ERICH6B: variants seen among roughly 807,000 people sequenced by gnomAD.
The protein encoded by ERICH6B is glutamate-rich protein 6B.
ERICH6B carries 69 observed loss-of-function variants against 80.0 expected under a neutral mutation model. The observed-to-expected ratio is 0.86, with a 90% CI of 0.71 to 1.05. The LOEUF is 1.05. ERICH6B is among the 50% of genes least tolerant of loss of function. ERICH6B has a pLI of 0.00. For synonymous variants in ERICH6B, 283 were observed against 291.9 expected (o/e 0.97, Z 0.31); for missense variants, 754 against 796.1 (o/e 0.95, Z 0.64).
chr13:45,554,463 C>A (rs766626970), intron 11 of ERICH6B, among the ~76,000 whole-genome samples: 1 of 152,112 alleles, frequency 6.6e-6, no homozygotes, highest in Non-Finnish European at 1.5e-5. Flanking sequence ...TCATGGGTAG[C>A]GGGTATTTGT....
At chr13:45,573,274 T>C (rs1875252545) in intron 8 of ERICH6B, among the ~76,000 whole-genome samples, 1 of 152,212 alleles carries the variant, frequency 6.6e-6, no homozygotes. Context: ...ACCAAAGCTT[T>C]CCAAAATATG....
chr13:45,611,489 G>T (rs186297014), intron 1 of ERICH6B, among the ~76,000 whole-genome samples: 1 of 152,204 alleles, frequency 6.6e-6, no homozygotes, highest in East Asian at 1.9e-4. Context: ...ATTGCAAGAG[G>T]GAAGCACAGT....
intron 7 of ERICH6B, 71 bp downstream of exon 7, chr13:45,579,862 G>T: frequency 6.8e-7 from 1 of 1,475,204 alleles, no homozygotes; most frequent in Non-Finnish European, 9.3e-7. Flanking sequence ...CCACCTGCTA[G>T]GGGCACCTTC....
intron 9 of ERICH6B, among the ~76,000 whole-genome samples, chr13:45,565,906 C>G (rs1593782965): frequency 6.6e-6 from 1 of 152,138 alleles, no homozygotes; most frequent in Non-Finnish European, 1.5e-5. Context: ...AGTTTGGAGG[C>G]CTCAGAAGAA....
chr13:45,606,037 C>T (rs947738306), intron 2 of ERICH6B, among the ~76,000 whole-genome samples: 1 of 152,192 alleles, frequency 6.6e-6, no homozygotes. Context: ...AGATAAGCGA[C>T]ATATGTCTTC....
intron 5 of ERICH6B, among the ~76,000 whole-genome samples, chr13:45,582,890 G>C (rs947138091): frequency 1.3e-5 from 2 of 152,198 alleles, no homozygotes; most frequent in Non-Finnish European, 2.9e-5. Flanking sequence ...CCAGTATTAT[G>C]TAATTGGCTT....
intron 4 of ERICH6B, among the ~76,000 whole-genome samples, chr13:45,589,832 A>T (rs1876083634): frequency 6.6e-6 from 1 of 152,166 alleles, no homozygotes; most frequent in Non-Finnish European, 1.5e-5. Flanking sequence ...CAGTGGAGTT[A>T]CCTGTCAGAG....
chr13:45,563,732 C>A lies in ERICH6B; in HGVS notation c.1244G>T (p.Arg415Leu), dbSNP rs907953283. 6.4e-7 allele frequency: 1 copy of A among 1,552,260 alleles called. No individual in the cohort carries two copies. The highest frequency in any genetic ancestry group is 1.2e-5 in the South Asian group (1 of 84,044). Residue 415 changes from arginine (R) to leucine (L), a missense_variant, in exon 10 of 15, where the codon CGT (arginine) becomes CTT (leucine). Coordinates refer to ENST00000298738, the MANE Select transcript of ERICH6B (RefSeq NM_182542.3). Reference sequence around the variant, plus strand: ...AATGGTGGAGTGGTGCCTACCTTCACGTCTCCTCTTAATCCGTAAGATTGT... The same window carrying A: ...AATGGTGGAGTGGTGCCTACCTTCAAGTCTCCTCTTAATCCGTAAGATTGT... Reference protein sequence around the residue: ...KETILRIKRRREAQKLTEMTS... With the variant: ...KETILRIKRRLEAQKLTEMTS...
intron 3 of ERICH6B, among the ~76,000 whole-genome samples, chr13:45,591,625 A>C (rs2138016036): frequency 6.6e-6 from 1 of 152,298 alleles, no homozygotes; most frequent in South Asian, 2.1e-4. Flanking sequence ...AAATAAAATG[A>C]TGTCTCTAAA....
intron 11 of ERICH6B, among the ~76,000 whole-genome samples, chr13:45,560,514 C>T (rs1874627033): frequency 6.6e-6 from 1 of 152,196 alleles, no homozygotes; most frequent in African/African-American, 2.4e-5. Flanking sequence ...CTTGATGTTG[C>T]ACATTCTGTG....
intron 2 of ERICH6B, among the ~76,000 whole-genome samples, chr13:45,605,924 C>G (rs964409744): frequency 1.3e-5 from 2 of 152,180 alleles, no homozygotes; most frequent in Non-Finnish European, 2.9e-5. Flanking sequence ...TATTAACCAA[C>G]TAAGAACCAG....
chr13:45,593,890 T>C (rs1214473818), intron 3 of ERICH6B, among the ~76,000 whole-genome samples: 1 of 152,242 alleles, frequency 6.6e-6, no homozygotes, highest in Non-Finnish European at 1.5e-5. Context: ...TAAGCCCATT[T>C]GTCATATCTA....
At chr13:45,550,787 C>G (rs1363054553) in intron 11 of ERICH6B, among the ~76,000 whole-genome samples, 1 of 152,154 alleles carries the variant, frequency 6.6e-6, no homozygotes, top group Non-Finnish European at 1.5e-5. Flanking sequence ...ACCCCAGTCT[C>G]TACCTCTATC....
At chr13:45,601,475 G>A (rs1316540152) in intron 2 of ERICH6B, among the ~76,000 whole-genome samples, 3 of 152,118 alleles carry the variant, frequency 2.0e-5, no homozygotes, top group African/African-American at 7.2e-5. Context: ...GCCCTCCCCT[G>A]GGAGAGGTGA....
At chr13:45,575,237 A>G (rs982762473) in intron 7 of ERICH6B, among the ~76,000 whole-genome samples, 1 of 152,230 alleles carries the variant, frequency 6.6e-6, no homozygotes, top group Admixed American at 6.5e-5. Flanking sequence ...GAGTGAAGTA[A>G]GGAATGCGCA....
At chr13:45,573,639 G>T in intron 8 of ERICH6B, among the ~76,000 whole-genome samples, 1 of 152,194 alleles carries the variant, frequency 6.6e-6, no homozygotes, top group East Asian at 1.9e-4. Flanking sequence ...ATGGCACGGT[G>T]CTTGTGATGA....
chr13:45,587,104 C>T lies in ERICH6B; in HGVS notation c.815G>A (p.Ser272Asn), dbSNP rs941558562. Residue 272 changes from serine to asparagine, a missense_variant, in exon 5 of 15, where the codon AGC (serine) becomes AAC (asparagine). Ser to Asn is a conservative substitution (Grantham distance 46). Transcript: ENST00000298738. Reference sequence around the variant, plus strand: ...GCACCAGTCTGTCTGACTGGCCTGGCTCCTCCTGTACAATGTCAGAAGCAA... The same window carrying T: ...GCACCAGTCTGTCTGACTGGCCTGGTTCCTCCTGTACAATGTCAGAAGCAA... ...SELLLTLYRR[S>N]QASQTDWCYD... 1.3e-6 allele frequency: 2 copies of T among 1,551,694 alleles called. No individual in the cohort carries two copies. Among genetic ancestry groups the T allele is most frequent in the Non-Finnish European group, 8.7e-7 (1 of 1,146,982 alleles).
Position 45,544,996 on chromosome 13 carries a change from A to T in ERICH6B, c.1647-11T>A. On this transcript the variant is annotated splice_polypyrimidine_tract_variant and intron_variant, in intron 13 of 14. Coordinates refer to ENST00000298738, the MANE Select transcript of ERICH6B (RefSeq NM_182542.3). ...GAGCTCAGGTTCAACCTGGACCAGGAGAAAGCATGTCAGGCAGCCAGGGCG... is the reference window on the plus strand; with the variant it reads ...GAGCTCAGGTTCAACCTGGACCAGGTGAAAGCATGTCAGGCAGCCAGGGCG... 1 of 1,548,496 alleles carries T rather than the reference A, an allele frequency of 6.5e-7. No homozygotes were observed. Among genetic ancestry groups the T allele is most frequent in the Non-Finnish European group, 8.7e-7 (1 of 1,145,584 alleles).
intron 11 of ERICH6B, among the ~76,000 whole-genome samples, chr13:45,555,041 T>G (rs555448595): frequency 1.3e-5 from 2 of 152,232 alleles, no homozygotes; most frequent in East Asian, 3.9e-4. Context: ...GTGAGAATCT[T>G]CCTCTTGGCT....
Sources: gnomAD v4.1 joint callset for allele counts (sites outside exome capture counted in the v4.1 genomes callset) on GRCh38, gnomAD v4.1.1 for gene constraint, MANE v1.5 for transcripts, NCBI Gene and HGNC (gene_info 2026-07-23, HGNC 2026-07-21) for gene names.